Variants in PTPRN2 observed in about 807,000 individuals in gnomAD.
PTPRN2 encodes receptor-type tyrosine-protein phosphatase N2.
In PTPRN2, 74 loss-of-function variants were observed where a neutral mutation model predicts 118.8. The observed-to-expected ratio is 0.62, with a 90% CI of 0.52 to 0.76. The LOEUF (loss-of-function observed/expected upper bound fraction) is 0.76. Ranked by LOEUF, PTPRN2 falls within the 30% of genes least tolerant of loss-of-function variation. PTPRN2 has a pLI of 0.00. For missense variants in PTPRN2, 1,481 were observed against 1,394.4 expected, an observed-to-expected ratio of 1.06 and a Z score of -0.99; for synonymous variants, 641 against 608.0, an observed-to-expected ratio of 1.05 and a Z score of -0.80.
chr7:157,657,796 CCA>C (rs532779602), intron 13 of PTPRN2, among the ~76,000 whole-genome samples: 1 of 19,812 alleles, frequency 5.0e-5, no homozygotes, highest in Non-Finnish European at 1.3e-4. Context: ...CACACAAACG[CCA>C]CACACACCAC....
intron 10 of PTPRN2, among the ~76,000 whole-genome samples, chr7:158,083,592 A>C (rs1013642003): frequency 2.6e-5 from 4 of 152,196 alleles, no homozygotes; most frequent in Non-Finnish European, 5.9e-5. Context: ...TGACCCATAC[A>C]TGGCCCCGTA....
intron 14 of PTPRN2, among the ~76,000 whole-genome samples, chr7:157,642,814 C>CAAAAAAAAAAAAAAAAAAAAAAAAAAAA (rs11335302): frequency 2.1e-4 from 5 of 24,204 alleles, no homozygotes; most frequent in Admixed American, 9.0e-4. Context: ...CAAGAAACAG[C>CAAAAAAAAAAAAAAAAAAAAAAAAAAAA]AAAAAAAAAA....
Position 157,540,770 on chromosome 7 carries a change from C to A in PTPRN2, c.2992G>T (p.Ala998Ser). The A allele has an allele frequency of 6.4e-7, 1 of 1,567,496 alleles. No homozygotes were observed. The highest frequency in any genetic ancestry group is 8.7e-7 in the Non-Finnish European group (1 of 1,155,896). Residue 998 changes from alanine (A) to serine (S), a missense_variant, in exon 23 of 23, where the codon GCG becomes TCG. By Grantham distance (99) the Ala-to-Ser change is moderately conservative (BLOSUM62 1). Transcript: ENST00000389418. ...MVQTKEQFEF[A>S]LTAVAEEVNA... is the part of the protein sequence containing the mutation. ...ACCTCCTCAGCCACGGCTGTCAGCG[C>A]GAACTCAAACTGCTCCTGCAGGGCG... is the stretch of plus-strand genomic sequence containing the variant.
At chr7:157,885,494 G>T (rs186738775) in intron 12 of PTPRN2, among the ~76,000 whole-genome samples, 3 of 152,188 alleles carry the variant, frequency 2.0e-5, no homozygotes, top group Non-Finnish European at 4.4e-5. Context: ...AGATGCACCC[G>T]CCTGACGCTG....
At chr7:157,971,845 T>G (rs1222409219) in intron 11 of PTPRN2, among the ~76,000 whole-genome samples, 1 of 152,190 alleles carries the variant, frequency 6.6e-6, no homozygotes, top group Non-Finnish European at 1.5e-5. Flanking sequence ...AGAAACCTTC[T>G]TCTGTACCTT....
chr7:158,511,539 C>T (rs1350149743), intron 1 of PTPRN2, among the ~76,000 whole-genome samples: 1 of 152,222 alleles, frequency 6.6e-6, no homozygotes, highest in Non-Finnish European at 1.5e-5. Flanking sequence ...CTGGTGCCAT[C>T]CCTCCCATAC....
At chr7:157,746,252 C>T (rs1457328370) in intron 12 of PTPRN2, among the ~76,000 whole-genome samples, 1 of 151,586 alleles carries the variant, frequency 6.6e-6, no homozygotes, top group Non-Finnish European at 1.5e-5. Flanking sequence ...CTACACTCCA[C>T]AGTCCACATG....
chr7:158,197,093 A>G (rs1026196687), intron 4 of PTPRN2, among the ~76,000 whole-genome samples: 1 of 152,214 alleles, frequency 6.6e-6, no homozygotes, highest in African/African-American at 2.4e-5. Context: ...ATTCTGAACA[A>G]AATCGTATTC....
intron 10 of PTPRN2, among the ~76,000 whole-genome samples, chr7:158,102,325 A>G (rs73748064): frequency 0.021 from 3,231 of 152,268 alleles, 119 homozygotes; most frequent in African/African-American, 0.073. Flanking sequence ...TGGCCCGAGG[A>G]TGCTTTATTC....
intron 12 of PTPRN2, among the ~76,000 whole-genome samples, chr7:157,803,634 C>G (rs192634172): frequency 6.6e-6 from 1 of 152,260 alleles, no homozygotes; most frequent in East Asian, 1.9e-4. Context: ...GGTCCGATGC[C>G]GTTCTTTTGC....
Position 158,022,973 on chromosome 7 carries a change from G to A in PTPRN2, c.1723+58325C>T, listed in dbSNP as rs1274739105. Among the ~76,000 whole-genome samples the A allele has an allele frequency of 6.6e-6, 1 of 152,242 alleles. No homozygotes were observed. Among genetic ancestry groups the A allele is most frequent in the African/African-American group, 2.4e-5 (1 of 41,466 alleles). On this transcript the variant is annotated intron_variant, in intron 11 of 22. Transcript: ENST00000389418. The surrounding 1 kb of genome is among the most constrained non-coding windows in gnomAD (Gnocchi z 4.6). ...TCGCCCTGGTGAGTCTGAACTCTGTGCACTCCTGTTTAGTCCTCAATGGGA... is the reference window on the plus strand; with the variant it reads ...TCGCCCTGGTGAGTCTGAACTCTGTACACTCCTGTTTAGTCCTCAATGGGA...
chr7:158,271,339 G>T (rs375029933), intron 3 of PTPRN2, among the ~76,000 whole-genome samples: 1 of 152,164 alleles, frequency 6.6e-6, no homozygotes, highest in African/African-American at 2.4e-5. Context: ...CTGAATATCC[G>T]ACAATCGGCA....
At position 157,780,400 on chromosome 7, in the gene PTPRN2, G is replaced by A. The variant is rs777021070; in HGVS notation, c.1789-97463C>T. ...ATATAAGGGGTGGCGGCTGCTCAGC[G>A]AGGCCTCAGGAGTGTGAAGGAGGCT... On this transcript the variant is annotated intron_variant, in intron 12 of 22. Coordinates refer to ENST00000389418, the MANE Select transcript of PTPRN2 (RefSeq NM_002847.5). This position sits in a 1 kb window ranked among gnomAD's most constrained non-coding sequence, Gnocchi z 4.5. 2.6e-5 allele frequency among the ~76,000 whole-genome samples: 4 copies of A among 152,282 alleles called. No individual in the cohort carries two copies. Among genetic ancestry groups the A allele is most frequent in the Non-Finnish European group, 2.9e-5 (2 of 68,022 alleles).
At chr7:158,145,847 T>C (rs1359206787) in intron 6 of PTPRN2, among the ~76,000 whole-genome samples, 1 of 152,206 alleles carries the variant, frequency 6.6e-6, no homozygotes, top group Admixed American at 6.5e-5. Context: ...TGGACTCCCA[T>C]GAAGAAAGGC....
chr7:158,062,740 G>A (rs528823284), intron 11 of PTPRN2, among the ~76,000 whole-genome samples: 41 of 152,324 alleles, frequency 2.7e-4, no homozygotes, highest in African/African-American at 8.2e-4. Flanking sequence ...AGGGTGTGCC[G>A]GTTCCCCCAG....
chr7:157,638,198 C>T (rs1041915234), intron 14 of PTPRN2, among the ~76,000 whole-genome samples: 8 of 152,354 alleles, frequency 5.3e-5, no homozygotes, highest in Admixed American at 3.3e-4. Context: ...ACCAACCAAA[C>T]GTGATCACAA....
At chr7:158,122,987 C>T (rs1817297817) in intron 9 of PTPRN2, among the ~76,000 whole-genome samples, 1 of 152,214 alleles carries the variant, frequency 6.6e-6, no homozygotes, top group Admixed American at 6.5e-5. Flanking sequence ...CTCCTGCTGA[C>T]CATGCTCTGT....
chr7:158,199,717 T>A (rs1826483373), intron 4 of PTPRN2, among the ~76,000 whole-genome samples: 1 of 152,124 alleles, frequency 6.6e-6, no homozygotes, highest in Non-Finnish European at 1.5e-5. Flanking sequence ...CATGCAAGAA[T>A]TCAAAGGCTT....
rs1180607951 is a variant in PTPRN2, at chr7:158,526,374, TCA to T, written c.113-36591_113-36590del. On this transcript the variant is annotated intron_variant, in intron 1 of 22. Transcript: ENST00000389418. This position sits in a 1 kb window ranked among gnomAD's most constrained non-coding sequence, Gnocchi z 5.2. ...CAGAGATAACCAGGTAGAGCCACGC[TCA>T]CGAGAACCACCAGCCACTCTGAGCT... Among the ~76,000 whole-genome samples, 1 of 152,138 alleles carries T rather than the reference TCA, an allele frequency of 6.6e-6. No homozygotes were observed. The highest frequency in any genetic ancestry group is 1.9e-4 in the East Asian group (1 of 5,184).
Sources: allele counts gnomAD v4.1 joint callset (sites outside exome capture counted in the v4.1 genomes callset), GRCh38; gene constraint gnomAD v4.1.1; non-coding constraint Gnocchi (gnomAD v3.1); transcripts MANE v1.5; gene names NCBI Gene and HGNC (gene_info 2026-07-23, HGNC 2026-07-21).